ZNF600: variants seen among roughly 807,000 people sequenced by gnomAD.
ZNF600 encodes zinc finger protein 600.
ZNF600 carries 4 observed loss-of-function variants against 7.3 expected under a neutral mutation model. That is an observed-to-expected ratio of 0.55 (90% CI 0.27 to 1.25). The LOEUF is 1.25. ZNF600 is among the 50% of genes most tolerant of loss of function. ZNF600 has a pLI of 0.12. For synonymous variants in ZNF600, 290 were observed against 308.9 expected (o/e 0.94, Z 0.64); for missense variants, 911 against 922.1 (o/e 0.99, Z 0.16).
chr19:52,810,781 A>AAAC, the ZNF600 span: 22,926 of 118,064 alleles, frequency 0.19, 1,728 homozygotes, highest in African/African-American at 0.42. Flanking sequence ...AAAAAAACCC[A>AAAC]AAAAAAACAG....
the ZNF600 span, among the ~76,000 whole-genome samples, chr19:52,811,917 G>A: frequency 2.8e-5 from 3 of 108,136 alleles, no homozygotes; most frequent in Non-Finnish European, 5.6e-5. Context: ...CCGGCCAGCC[G>A]CCCTATCCAG....
At chr19:52,806,399 A>T in the ZNF600 span, among the ~76,000 whole-genome samples, 1 of 152,090 alleles carries the variant, frequency 6.6e-6, no homozygotes, top group East Asian at 1.9e-4. Context: ...TCAACATGTT[A>T]ACCAGGCTAG....
the ZNF600 span, among the ~76,000 whole-genome samples, chr19:52,795,968 A>T: frequency 2.1e-4 from 32 of 151,616 alleles, no homozygotes; most frequent in South Asian, 2.1e-4. Context: ...TCAGCCCTGG[A>T]GTTCGAGACC....
At chr19:52,810,430 A>G in the ZNF600 span, 1 of 1,602,108 alleles carries the variant, frequency 6.2e-7, no homozygotes, top group Middle Eastern at 1.7e-4. Context: ...GGCCATCCCA[A>G]AGGGTTTGCA....
the ZNF600 span, chr19:52,810,706 T>C: frequency 2.8e-6 from 2 of 724,070 alleles, no homozygotes; most frequent in East Asian, 5.3e-5. Context: ...TTCCCCTTAC[T>C]AAAAAAAATG....
At chr19:52,822,826 G>A in the ZNF600 span, among the ~76,000 whole-genome samples, 3 of 152,154 alleles carry the variant, frequency 2.0e-5, no homozygotes, top group South Asian at 2.1e-4. Context: ...GCTACAGTCC[G>A]ACAGAAACTG....
intron 2 of ZNF600, among the ~76,000 whole-genome samples, chr19:52,776,845 G>A (rs1157220065): frequency 6.6e-6 from 1 of 151,952 alleles, no homozygotes; most frequent in Non-Finnish European, 1.5e-5. Context: ...ATCACATCAC[G>A]GCGTTACCCA....
chr19:52,828,112 C>T, the ZNF600 span, among the ~76,000 whole-genome samples: 3 of 151,640 alleles, frequency 2.0e-5, no homozygotes, highest in Non-Finnish European at 2.9e-5. Flanking sequence ...AGTAAAATGG[C>T]GCGATCTCAC....
upstream of ZNF600, among the ~76,000 whole-genome samples, chr19:52,788,322 G>T (rs1458175000): frequency 3.3e-5 from 5 of 152,118 alleles, no homozygotes; most frequent in Admixed American, 2.6e-4. Context: ...ATCCACCGAG[G>T]AATATTACTC....
exon 4 of ZNF600, chr19:52,766,819 G>A (rs763427919): frequency 2.2e-5 from 36 of 1,613,826 alleles, no homozygotes; most frequent in African/African-American, 4.0e-5. Flanking sequence ...GTTGATTTCC[G>A]ACTGAAAACT....
the ZNF600 span, chr19:52,810,802 T>C: frequency 2.4e-6 from 1 of 415,642 alleles, no homozygotes; most frequent in East Asian, 4.6e-5. Context: ...AAGATGACCT[T>C]GATGGAAAAA....
chr19:52,787,706 A>G (rs1414791131), upstream of ZNF600, among the ~76,000 whole-genome samples: 4 of 150,888 alleles, frequency 2.7e-5, no homozygotes, highest in Non-Finnish European at 4.4e-5. Context: ...AAAAATACAA[A>G]AAAATTAGCC....
chr19:52,799,873 T>C, the ZNF600 span: 1 of 1,614,104 alleles, frequency 6.2e-7, no homozygotes, highest in Non-Finnish European at 8.5e-7. Context: ...TTCTCTCCAC[T>C]ATGAAGCCTA....
At chr19:52,807,955 A>C in the ZNF600 span, 1 of 1,609,990 alleles carries the variant, frequency 6.2e-7, no homozygotes, top group Non-Finnish European at 8.5e-7. Context: ...AAGAGGCAAC[A>C]AGAGAAAATA....
chr19:52,787,254 G>A (rs974207984), upstream of ZNF600, among the ~76,000 whole-genome samples: 2 of 151,792 alleles, frequency 1.3e-5, no homozygotes, highest in Admixed American at 6.6e-5. Context: ...GCAGGGATGC[G>A]GGCACGAGGC....
At chr19:52,770,538 C>T (rs988861330) in intron 3 of ZNF600, among the ~76,000 whole-genome samples, 1 of 152,224 alleles carries the variant, frequency 6.6e-6, no homozygotes, top group Non-Finnish European at 1.5e-5. Context: ...AGCAATTTTA[C>T]ATTTGTGCAT....
chr19:52,771,348 C>CT (rs936474842), intron 3 of ZNF600, among the ~76,000 whole-genome samples: 66 of 144,930 alleles, frequency 4.6e-4, no homozygotes, highest in East Asian at 1.4e-3. Flanking sequence ...TCAGCTATTT[C>CT]TTTTTTTTTG....
At chr19:52,809,772 T>C in the ZNF600 span, 1 of 490,720 alleles carries the variant, frequency 2.0e-6, no homozygotes, top group Non-Finnish European at 3.6e-6. Context: ...GCCACTTCAC[T>C]GCAGCCTGGG....
rs1385741018 is a variant in ZNF600 at position 52,771,763 on chromosome 19, C to T, written c.190+2812G>A. 5.3e-5 allele frequency among the ~76,000 whole-genome samples: 8 copies of T among 152,276 alleles called. No homozygotes were observed. In the East Asian group the frequency reaches 1.4e-3, roughly 26 times the overall value. On this transcript the variant is annotated intron_variant, in intron 3 of 3. Transcript: ENST00000648973. ...AAATTTTTGGGATTATAGTCGTGAG[C>T]CATCACGCCCGTCCAATTTTTTTTA...
Sources: gnomAD v4.1 joint callset for allele counts (sites outside exome capture counted in the v4.1 genomes callset) on GRCh38, gnomAD v4.1.1 for gene constraint, MANE v1.5 for transcripts, NCBI Gene and HGNC (gene_info 2026-07-23, HGNC 2026-07-21) for gene names.